The following ZNF652 variants were observed in gnomAD, a reference collection of about 807,000 sequenced individuals.
ZNF652 encodes zinc finger protein 652.
A neutral mutation model predicts 45.2 loss-of-function variants in ZNF652; 16 were observed. The observed-to-expected ratio is 0.35, with a 90% confidence interval of 0.24 to 0.54. The LOEUF is 0.54. Ranked by LOEUF, ZNF652 falls within the 20% of genes least tolerant of loss-of-function variation. ZNF652 has a pLI of 0.91. For missense variants in ZNF652, 614 were observed against 765.6 expected (o/e 0.80, Z 2.34); for synonymous variants, 250 against 260.6 (o/e 0.96, Z 0.39).
At position 49,340,549 on chromosome 17, in the gene ZNF652, C is replaced by CAAA. The variant is rs1040246588; in HGVS notation, c.-259+21357_-259+21359dup. Among the ~76,000 whole-genome samples, 34 of 49,848 alleles carry CAAA rather than the reference C, an allele frequency of 6.8e-4. 1 individual carries two copies. Among genetic ancestry groups the CAAA allele is most frequent in the African/African-American group, 1.2e-3 (18 of 14,944 alleles). The allele number at this position is 49,848 out of a possible 152,430, so 32.7% of individuals were successfully genotyped here. ...TGGGCAACAAAGCGAGACTCTGTCT[C>CAAA]AAAAAAAAAAAAAAAAAAAAAAGAA... is the stretch of plus-strand genomic sequence containing the variant. On this transcript the variant is annotated intron_variant, in intron 1 of 5. Transcript: ENST00000430262.
At chr17:49,308,539 T>TG (rs1045126739) in intron 5 of ZNF652, among the ~76,000 whole-genome samples, 3 of 152,172 alleles carry the variant, frequency 2.0e-5, no homozygotes, top group African/African-American at 7.2e-5. Context: ...TGGTGGCTCA[T>TG]GCCTGTAATC....
chr17:49,309,871 G>C (rs1420077454), intron 5 of ZNF652, among the ~76,000 whole-genome samples: 1 of 152,148 alleles, frequency 6.6e-6, no homozygotes, highest in Non-Finnish European at 1.5e-5. Context: ...CAGAGAACTG[G>C]GAACTAAAGA....
chr17:49,349,142 T>C (rs2070243082), intron 1 of ZNF652, among the ~76,000 whole-genome samples: 1 of 152,194 alleles, frequency 6.6e-6, no homozygotes. Flanking sequence ...CTCAATTTAA[T>C]GCAGTGGCCA....
intron 5 of ZNF652, among the ~76,000 whole-genome samples, chr17:49,302,071 G>T (rs912954250): frequency 6.6e-6 from 1 of 151,984 alleles, no homozygotes; most frequent in Admixed American, 6.6e-5. Flanking sequence ...GGGCAACATG[G>T]TAAGACCCTG....
Position 49,294,856 on chromosome 17 carries a change from A to C in ZNF652, c.*3557T>G, listed in dbSNP as rs1230542031. 1 of 152,212 alleles carries C rather than the reference A, an allele frequency of 6.6e-6. No homozygotes were observed. The highest frequency in any genetic ancestry group is 1.5e-5 in the Non-Finnish European group (1 of 68,038). 9.4% of individuals were successfully genotyped at this position (152,212 alleles called of 1,614,324 possible). On this transcript the variant is annotated 3_prime_UTR_variant, in exon 6 of 6. Transcript: ENST00000430262. ...TGTACAGATAAGGGCTGAGAACTCA[A>C]ACTTCTCCATAATTCTTTTTTTCAT...
At chr17:49,307,311 A>G (rs753944286) in intron 5 of ZNF652, among the ~76,000 whole-genome samples, 1 of 151,394 alleles carries the variant, frequency 6.6e-6, no homozygotes, top group African/African-American at 2.4e-5. Context: ...CATGCCTGTA[A>G]TCCCAGCTAC....
At position 49,317,202 on chromosome 17, in the gene ZNF652, T is replaced by C. The variant is rs2069819645; in HGVS notation, c.524A>G (p.Gln175Arg). The C allele has an allele frequency of 6.2e-7, 1 of 1,613,664 alleles. No homozygotes were observed. The highest frequency in any genetic ancestry group is 8.5e-7 in the Non-Finnish European group (1 of 1,180,042). The part of the protein sequence containing the change: ...DSNDYGENEK[Q>R]KKKEKIVEKV... ...CTCTACTATCTTCTCCTTTTTCTTC[T>C]GCTTTTCATTCTCTCCATAGTCATT... Residue 175 changes from glutamine (Q) to arginine (R), a missense_variant, in exon 2 of 6, where the codon CAG becomes CGG. This residue lies in a region of ZNF652 where 262 missense variants were observed against 306.3 expected (regional missense o/e 0.86). Coordinates refer to ENST00000430262, the MANE Select transcript of ZNF652 (RefSeq NM_001145365.3).
intron 1 of ZNF652, among the ~76,000 whole-genome samples, chr17:49,361,460 A>C (rs1023891175): frequency 1.3e-5 from 2 of 152,114 alleles, no homozygotes; most frequent in African/African-American, 2.4e-5. Context: ...CTGGCGGCAC[A>C]ATACTCCCGG....
In ZNF652 at chr17:49,311,409, C is replaced by T; in HGVS notation, c.1212G>A (p.Met404Ile). Reference protein sequence around the residue: ...FQYKYQLRSHMSIHIGHKQFM... With the variant: ...FQYKYQLRSHISIHIGHKQFM... Reference sequence around the variant, plus strand: ...ACTGTTTGTGCCCAATATGAATGCTCATGTGGGAGCGTAGCTGGTACTTGT... The same window carrying T: ...ACTGTTTGTGCCCAATATGAATGCTTATGTGGGAGCGTAGCTGGTACTTGT... The change falls in exon 5 of 6, where the codon ATG becomes ATA. Residue 404 changes from methionine to isoleucine, a missense_variant. By Grantham distance (10) the Met-to-Ile change is conservative. Around this residue, in one of 5 missense-constraint regions of ZNF652, gnomAD observed 81 missense variants for 167.0 expected, o/e 0.48. Transcript: ENST00000430262. The T allele has an allele frequency of 6.2e-7, 1 of 1,614,146 alleles. No individual in the cohort carries two copies. Among genetic ancestry groups the T allele is most frequent in the Non-Finnish European group, 8.5e-7 (1 of 1,180,020 alleles).
intron 1 of ZNF652, among the ~76,000 whole-genome samples, chr17:49,329,230 G>C (rs1379604285): frequency 3.2e-4 from 49 of 152,124 alleles, no homozygotes; most frequent in Non-Finnish European, 8.8e-5. Flanking sequence ...TATATTTTTA[G>C]TTCATCTTCT....
At chr17:49,353,092 T>C (rs748084698) in intron 1 of ZNF652, among the ~76,000 whole-genome samples, 2 of 152,192 alleles carry the variant, frequency 1.3e-5, no homozygotes. Flanking sequence ...TGTATGAATA[T>C]CAAAATGTCA....
rs1232975659 is a variant in ZNF652 at position 49,314,310 on chromosome 17, T to C, written c.901-1465A>G. Among the ~76,000 whole-genome samples the C allele has an allele frequency of 3.3e-5, 5 of 151,750 alleles. No individual in the cohort carries two copies. The East Asian group carries it at 7.8e-4, about 24-fold the overall frequency. ...CCAAGTAGCTGGGACTACAGGTGCG[T>C]GCCACCATGCCTGGCTAATTTTTGT... On this transcript the variant is annotated intron_variant, in intron 2 of 5. Transcript: ENST00000430262.
At chr17:49,332,026 G>A (rs1202324459) in intron 1 of ZNF652, among the ~76,000 whole-genome samples, 1 of 152,020 alleles carries the variant, frequency 6.6e-6, no homozygotes, top group Admixed American at 6.6e-5. Context: ...GCTCACACCT[G>A]TAATCCCAGC....
chr17:49,358,306 G>T (rs1017138357), intron 1 of ZNF652, among the ~76,000 whole-genome samples: 6 of 152,108 alleles, frequency 3.9e-5, no homozygotes, highest in African/African-American at 1.4e-4. Context: ...CACCTCTATC[G>T]AAGTAAATTC....
rs773241820 is a variant in ZNF652, at chr17:49,314,521, C to CTATACCT, written c.901-1683_901-1677dup. The stretch of plus-strand genomic sequence containing the variant: ...AGTCTAAACTTTAATTAACTAAAGC[C>CTATACCT]TATACCTTTTCCCTTACAGATCAGT... On this transcript the variant is annotated intron_variant, in intron 2 of 5. Transcript: ENST00000430262. Among the ~76,000 whole-genome samples the CTATACCT allele has an allele frequency of 4.6e-5, 7 of 152,162 alleles. 1 individual carries two copies. The highest frequency in any genetic ancestry group is 7.4e-5 in the Non-Finnish European group (5 of 67,978).
In ZNF652 at chr17:49,312,774, A is replaced by G. The variant is rs11654557; in HGVS notation, c.972T>C (p.Tyr324=). ...TTTCACAGGAAAATTTCTTTTCTGC[A>G]TATCCATGGACGATCTTGATATGTT... ...LHEHIKIVHG[Y]AEKKFSCEIC... The change falls in exon 3 of 6, where the codon TAT becomes TAC. Residue 324 remains tyrosine (Y), a synonymous_variant. Transcript: ENST00000430262. 0.077 allele frequency: 123,976 copies of G among 1,613,848 alleles called. 5,615 individuals carry two copies. Among genetic ancestry groups the G allele is most frequent in the South Asian group, 0.11 (9,992 of 91,010 alleles).
chr17:49,355,292 G>GA lies in ZNF652; in HGVS notation c.-259+6616dup, dbSNP rs1459002156. ...AATATTATGAAATGAGACAGTAAAA[G>GA]AAAAAAATTTGTCTGGGCATGGTGG... On this transcript the variant is annotated intron_variant, in intron 1 of 5. Transcript: ENST00000430262. Among the ~76,000 whole-genome samples, 6 of 152,186 alleles carry GA rather than the reference G, an allele frequency of 3.9e-5. No homozygotes were observed. In the East Asian group the frequency reaches 1.2e-3, roughly 29 times the overall value.
At chr17:49,359,768 C>T (rs2070373624) in intron 1 of ZNF652, among the ~76,000 whole-genome samples, 1 of 152,130 alleles carries the variant, frequency 6.6e-6, no homozygotes, top group Non-Finnish European at 1.5e-5. Context: ...ATTCCCTAAC[C>T]ACAATTAAAA....
At chr17:49,333,844 C>A (rs1206008826) in intron 1 of ZNF652, among the ~76,000 whole-genome samples, 1 of 151,730 alleles carries the variant, frequency 6.6e-6, no homozygotes, top group African/African-American at 2.4e-5. Flanking sequence ...CACTTCACAC[C>A]TACTAGGATG....
Sources: allele counts gnomAD v4.1 joint callset (sites outside exome capture counted in the v4.1 genomes callset), GRCh38; gene constraint gnomAD v4.1.1; regional missense constraint gnomAD v4.1.1; transcripts MANE v1.5; gene names NCBI Gene and HGNC (gene_info 2026-07-23, HGNC 2026-07-21).